Variants in SCTR observed in about 807,000 individuals in gnomAD.
The protein encoded by SCTR is secretin receptor.
In SCTR, 56 loss-of-function variants were observed where a neutral mutation model predicts 60.8. The ratio of observed to expected loss-of-function variants is 0.92; its 90% CI spans 0.74 to 1.15. The LOEUF is 1.15. Ranked by LOEUF, SCTR falls within the 50% of genes most tolerant of loss-of-function variation. SCTR has a pLI of 0.00. For synonymous variants in SCTR, 202 were observed against 217.0 expected (o/e 0.93, Z 0.61); for missense variants, 562 against 550.4 (o/e 1.02, Z -0.21).
chr2:119,487,248 C>T (rs982856191), intron 2 of SCTR: 1 of 152,156 alleles, frequency 6.6e-6, no homozygotes, highest in African/African-American at 2.4e-5. Context: ...CTGCATAGAG[C>T]ACTATGAAAG....
chr2:119,449,959 AGGAG>A (rs1184363694), intron 9 of SCTR, among the ~76,000 whole-genome samples: 46 of 88,664 alleles, frequency 5.2e-4, no homozygotes, highest in South Asian at 1.2e-3. Flanking sequence ...GAAGGAAGGA[AGGAG>A]GGAGGGAGGG....
At chr2:119,516,224 C>G (rs1260317969) in intron 1 of SCTR, among the ~76,000 whole-genome samples, 2 of 152,196 alleles carry the variant, frequency 1.3e-5, no homozygotes, top group East Asian at 3.9e-4. Flanking sequence ...GGTCATAAAC[C>G]CAAAGGAAAT....
intron 1 of SCTR, among the ~76,000 whole-genome samples, chr2:119,522,009 G>C (rs182845642): frequency 2.6e-5 from 4 of 152,298 alleles, no homozygotes; most frequent in Non-Finnish European, 5.9e-5. Flanking sequence ...AAAATACAAG[G>C]GACCGCCGGG....
chr2:119,503,439 G>A (rs72834827), intron 1 of SCTR, among the ~76,000 whole-genome samples: 4,720 of 152,196 alleles, frequency 0.031, 125 homozygotes, highest in African/African-American at 0.075. Context: ...GCATGGTGGC[G>A]TGCATAGGAT....
intron 1 of SCTR, among the ~76,000 whole-genome samples, chr2:119,518,645 CT>C (rs1283744832): frequency 3.9e-5 from 6 of 152,176 alleles, no homozygotes; most frequent in Admixed American, 3.9e-4. Context: ...TAGATAGCAT[CT>C]GAGTATTGTG....
At chr2:119,507,696 G>A (rs1225622089) in intron 1 of SCTR, among the ~76,000 whole-genome samples, 2 of 55,970 alleles carry the variant, frequency 3.6e-5, no homozygotes, top group Non-Finnish European at 7.4e-5. Context: ...TTTTTTTTGA[G>A]GCAGAGTCTG....
At chr2:119,494,117 ACTGT>A (rs1408909590) in intron 2 of SCTR, among the ~76,000 whole-genome samples, 1 of 152,182 alleles carries the variant, frequency 6.6e-6, no homozygotes. Context: ...TGAGAGGAGA[ACTGT>A]CTTGCAGAGA....
chr2:119,497,879 C>T (rs1333355871), intron 1 of SCTR, among the ~76,000 whole-genome samples: 1 of 151,988 alleles, frequency 6.6e-6, no homozygotes, highest in Admixed American at 6.6e-5. Flanking sequence ...CTTGAGGAAC[C>T]TGATGGGGAT....
chr2:119,509,910 G>T (rs1199943251), intron 1 of SCTR, among the ~76,000 whole-genome samples: 2 of 151,810 alleles, frequency 1.3e-5, no homozygotes, highest in Non-Finnish European at 2.9e-5. Context: ...ACACAGTATT[G>T]GTTTCATTGC....
rs1573853247 is a variant in SCTR at position 119,473,562 on chromosome 2, G to A, written c.302-6C>T. 1 of 1,597,544 alleles carries A rather than the reference G, an allele frequency of 6.3e-7. No homozygotes were observed. The highest frequency in any genetic ancestry group is 8.6e-7 in the Non-Finnish European group (1 of 1,164,902). On this transcript the variant is annotated splice_region_variant and splice_polypyrimidine_tract_variant and intron_variant, in intron 3 of 12. Transcript: ENST00000019103. Reference sequence around the variant, plus strand: ...GCAGTTTCGGAACAAGGAACCTGTGGGTGCCAAGAGTCCTGTAGGTGAGCC... The same window carrying A: ...GCAGTTTCGGAACAAGGAACCTGTGAGTGCCAAGAGTCCTGTAGGTGAGCC...
chr2:119,448,266 C>T (rs1042586832), intron 10 of SCTR, among the ~76,000 whole-genome samples: 1 of 152,190 alleles, frequency 6.6e-6, no homozygotes, highest in Non-Finnish European at 1.5e-5. Flanking sequence ...CCCTAGAAAA[C>T]GAACGTATTT....
chr2:119,504,449 G>T lies in SCTR; in HGVS notation c.73-9901C>A, dbSNP rs939927252. On this transcript the variant is annotated intron_variant, in intron 1 of 12. Transcript: ENST00000019103. ...CTACTAAAAACACAAAAATTAGCTG[G>T]GCGTGGTGGCGCACACCTATAATCC... 4.6e-5 allele frequency among the ~76,000 whole-genome samples: 7 copies of T among 152,050 alleles called. No individual in the cohort carries two copies. In the East Asian group the frequency reaches 1.4e-3, roughly 29 times the overall value.
chr2:119,456,271 G>C (rs1683374312), intron 7 of SCTR, among the ~76,000 whole-genome samples: 1 of 151,956 alleles, frequency 6.6e-6, no homozygotes, highest in Admixed American at 6.6e-5. Context: ...CGTTGGCCAG[G>C]ATGGTCTCGA....
chr2:119,508,084 G>A (rs1217802275), intron 1 of SCTR, among the ~76,000 whole-genome samples: 1 of 152,146 alleles, frequency 6.6e-6, no homozygotes, highest in African/African-American at 2.4e-5. Context: ...CAATTTCCTT[G>A]CAACTAAGGC....
At chr2:119,461,805 T>C in intron 7 of SCTR, 42 bp downstream of exon 7, 1 of 1,550,610 alleles carries the variant, frequency 6.4e-7, no homozygotes. Context: ...CAGCACCCCT[T>C]CCCACATACC....
At chr2:119,449,571 C>T (rs998439920) in intron 9 of SCTR, among the ~76,000 whole-genome samples, 7 of 152,102 alleles carry the variant, frequency 4.6e-5, no homozygotes, top group Non-Finnish European at 1.5e-5. Flanking sequence ...GGTGTCCCCT[C>T]CCCCAACCCC....
chr2:119,440,194 C>T lies in SCTR; in HGVS notation c.1246G>A (p.Val416Met), dbSNP rs562633492. 9 of 1,614,046 alleles carry T rather than the reference C, an allele frequency of 5.6e-6. No individual in the cohort carries two copies. The East Asian group carries it at 6.7e-5, about 12-fold the overall frequency. The change falls in exon 13 of 13, where the codon GTG (valine) becomes ATG (methionine). Residue 416 changes from valine to methionine, a missense_variant. Val to Met is a conservative substitution (Grantham distance 21). Transcript: ENST00000019103. ...WHLREFPLHP[V>M]ASFSNSTKAS... The stretch of plus-strand genomic sequence containing the variant: ...TTGGTGCTGTTGCTGAAGGAGGCCA[C>T]GGGGTGCAGTGGGAACTCACGGAGG...
chr2:119,518,369 G>A (rs1299252710), intron 1 of SCTR, among the ~76,000 whole-genome samples: 1 of 144,190 alleles, frequency 6.9e-6, no homozygotes, highest in Admixed American at 6.7e-5. Context: ...GAGGCGGGAG[G>A]TGAGAAATTT....
intron 1 of SCTR, among the ~76,000 whole-genome samples, chr2:119,518,866 G>A (rs1679193146): frequency 6.6e-6 from 1 of 152,158 alleles, no homozygotes; most frequent in Non-Finnish European, 1.5e-5. Context: ...TGTCATGGTA[G>A]GAAATCTGGG....
Sources: allele counts gnomAD v4.1 joint callset (sites outside exome capture counted in the v4.1 genomes callset), GRCh38; gene constraint gnomAD v4.1.1; transcripts MANE v1.5; gene names NCBI Gene and HGNC (gene_info 2026-07-23, HGNC 2026-07-21).